Variants in CLSTN2 observed in about 807,000 individuals in gnomAD.
CLSTN2 encodes calsyntenin 2.
A neutral mutation model predicts 101.2 loss-of-function variants in CLSTN2; 48 were observed. The ratio of observed to expected loss-of-function variants is 0.47; its 90% CI spans 0.38 to 0.60. The LOEUF (loss-of-function observed/expected upper bound fraction) is 0.60, where lower values mean the gene tolerates loss of function less well. Ranked by LOEUF, CLSTN2 falls within the 20% of genes least tolerant of loss-of-function variation. The pLI, the probability that CLSTN2 is intolerant of heterozygous loss-of-function variation, is 0.00. For synonymous variants in CLSTN2, 481 were observed against 463.6 expected (o/e 1.04, Z -0.48); for missense variants, 1,160 against 1,238.2 (o/e 0.94, Z 0.95).
Position 139,935,363 on chromosome 3 carries a change from G to C in CLSTN2, c.-12G>C, listed in dbSNP as rs1388867969. Reference sequence around the variant, plus strand: ...AGGCGGCGGCTGCAGCTCGTTGGCGGCTGCTGCGAGGATGCTGCCTGGGCG... The same window carrying C: ...AGGCGGCGGCTGCAGCTCGTTGGCGCCTGCTGCGAGGATGCTGCCTGGGCG... On this transcript the variant is annotated 5_prime_UTR_variant, in exon 1 of 17. Transcript: ENST00000458420. This position sits in a 1 kb window ranked among gnomAD's most constrained non-coding sequence, Gnocchi z 5.5. 4 of 1,221,066 alleles carry C rather than the reference G, an allele frequency of 3.3e-6. No homozygotes were observed. The highest frequency in any genetic ancestry group is 4.1e-6 in the Non-Finnish European group (4 of 979,084). 75.6% of individuals were successfully genotyped at this position (1,221,066 alleles called of 1,614,324 possible).
intron 2 of CLSTN2, among the ~76,000 whole-genome samples, chr3:140,304,858 C>T (rs1365506099): frequency 6.6e-6 from 1 of 152,164 alleles, no homozygotes; most frequent in Non-Finnish European, 1.5e-5. Flanking sequence ...AAATGCTCAA[C>T]CTCTTCTCCT....
At chr3:140,283,028 A>G (rs1016127709) in intron 2 of CLSTN2, among the ~76,000 whole-genome samples, 1 of 152,168 alleles carries the variant, frequency 6.6e-6, no homozygotes, top group African/African-American at 2.4e-5. Flanking sequence ...GGGGCTGCTC[A>G]TGGAGCTGGG....
At chr3:140,479,625 G>A (rs1293998240) in intron 8 of CLSTN2, among the ~76,000 whole-genome samples, 1 of 152,184 alleles carries the variant, frequency 6.6e-6, no homozygotes, top group African/African-American at 2.4e-5. Flanking sequence ...TGAACTGATA[G>A]GGAATCTCAG....
chr3:140,145,556 T>C (rs926136113), intron 1 of CLSTN2, among the ~76,000 whole-genome samples: 15 of 152,258 alleles, frequency 9.9e-5, no homozygotes, highest in Non-Finnish European at 2.2e-4. Flanking sequence ...GAAATTTCTC[T>C]TGACCATCTC....
intron 2 of CLSTN2, among the ~76,000 whole-genome samples, chr3:140,243,137 G>A (rs56248764): frequency 0.012 from 1,863 of 152,298 alleles, 12 homozygotes; most frequent in Non-Finnish European, 0.017. Context: ...GCCTTCTCAA[G>A]TTTCACAGCT....
In CLSTN2 at chr3:140,322,294, A is replaced by G. The variant is rs554178408; in HGVS notation, c.233-81335A>G. On this transcript the variant is annotated intron_variant, in intron 2 of 16. Coordinates refer to ENST00000458420, the MANE Select transcript of CLSTN2 (RefSeq NM_022131.3). ...CCAACACAGAGTTATTTTCTTGTGC[A>G]TCATTTGGGAGTCATTGAATAAACA... Among the ~76,000 whole-genome samples, 3 of 152,364 alleles carry G rather than the reference A, an allele frequency of 2.0e-5. No homozygotes were observed. The South Asian group carries it at 6.2e-4, about 32-fold the overall frequency.
intron 1 of CLSTN2, among the ~76,000 whole-genome samples, chr3:140,142,588 A>C (rs1051038641): frequency 2.0e-5 from 3 of 152,152 alleles, no homozygotes; most frequent in African/African-American, 7.2e-5. Context: ...CTGCACCTGG[A>C]TTTCTGTGTT....
At chr3:140,506,216 G>C (rs2107764953) in intron 8 of CLSTN2, 1 of 152,330 alleles carries the variant, frequency 6.6e-6, no homozygotes, top group Non-Finnish European at 1.5e-5. Context: ...CATTTTGCAT[G>C]AAGTATTCTC....
At chr3:140,243,213 C>T (rs1277963200) in intron 2 of CLSTN2, among the ~76,000 whole-genome samples, 1 of 152,176 alleles carries the variant, frequency 6.6e-6, no homozygotes, top group African/African-American at 2.4e-5. Flanking sequence ...CACAGTAAAG[C>T]CTGCTGTTAA....
At chr3:140,260,158 T>TATATATATATATA (rs1559821944) in intron 2 of CLSTN2, among the ~76,000 whole-genome samples, 48 of 146,768 alleles carry the variant, frequency 3.3e-4, no homozygotes, top group African/African-American at 1.2e-3. Flanking sequence ...ATATATATAT[T>TATATATATATATA]ATATATAAAA....
chr3:140,301,907 T>C (rs1350938851), intron 2 of CLSTN2, among the ~76,000 whole-genome samples: 4 of 152,194 alleles, frequency 2.6e-5, no homozygotes, highest in Non-Finnish European at 5.9e-5. Flanking sequence ...ATAGTATTTT[T>C]TTTTTTTTGG....
chr3:140,529,078 G>T (rs561010969), intron 8 of CLSTN2, among the ~76,000 whole-genome samples: 2 of 152,234 alleles, frequency 1.3e-5, no homozygotes, highest in African/African-American at 4.8e-5. Context: ...TATAACACTT[G>T]GATCAACCAG....
intron 2 of CLSTN2, among the ~76,000 whole-genome samples, chr3:140,365,568 G>T (rs2087778015): frequency 6.6e-6 from 1 of 152,158 alleles, no homozygotes. Flanking sequence ...AGGGAGGACA[G>T]CAAGGCTATT....
chr3:140,248,252 T>C (rs1275421608), intron 2 of CLSTN2, among the ~76,000 whole-genome samples: 1 of 152,196 alleles, frequency 6.6e-6, no homozygotes, highest in African/African-American at 2.4e-5. Context: ...AGGGGCTATT[T>C]TGAAGTGTAG....
At chr3:140,429,870 G>A (rs768172485) in intron 5 of CLSTN2, among the ~76,000 whole-genome samples, 8 of 152,090 alleles carry the variant, frequency 5.3e-5, no homozygotes, top group Non-Finnish European at 1.2e-4. Flanking sequence ...GGTGGCAGTT[G>A]GGCGTGTCTG....
intron 1 of CLSTN2, among the ~76,000 whole-genome samples, chr3:140,006,778 T>C (rs1272168988): frequency 2.0e-5 from 3 of 152,192 alleles, no homozygotes; most frequent in African/African-American, 4.8e-5. Flanking sequence ...TAAGTGTTTT[T>C]ATAAGTGCAG....
intron 5 of CLSTN2, among the ~76,000 whole-genome samples, chr3:140,424,185 G>T (rs1246524503): frequency 6.6e-6 from 1 of 152,144 alleles, no homozygotes; most frequent in Non-Finnish European, 1.5e-5. Context: ...TGCCTAAAGG[G>T]AAATGACTGA....
At chr3:140,124,996 A>G (rs1364823243) in intron 1 of CLSTN2, among the ~76,000 whole-genome samples, 1 of 152,210 alleles carries the variant, frequency 6.6e-6, no homozygotes, top group Non-Finnish European at 1.5e-5. Context: ...CAATGTTTCA[A>G]GAGAGCCAGA....
At chr3:139,975,173 T>C (rs1033080599) in intron 1 of CLSTN2, among the ~76,000 whole-genome samples, 11 of 152,136 alleles carry the variant, frequency 7.2e-5, no homozygotes, top group African/African-American at 2.7e-4. Flanking sequence ...ATAAGAGCTG[T>C]AGCTTCCTAG....
Sources: gnomAD v4.1 joint callset for allele counts (sites outside exome capture counted in the v4.1 genomes callset) on GRCh38, gnomAD v4.1.1 for gene constraint, Gnocchi (gnomAD v3.1) non-coding constraint, MANE v1.5 for transcripts, NCBI Gene and HGNC (gene_info 2026-07-23, HGNC 2026-07-21) for gene names.